The following FZD3 variants were observed in gnomAD, a reference collection of about 807,000 sequenced individuals.
FZD3 encodes the protein frizzled-3.
Under a neutral mutation model 60.7 loss-of-function variants are expected in FZD3, and 30 were observed. The ratio of observed to expected loss-of-function variants is 0.49; its 90% CI spans 0.37 to 0.67. The LOEUF is 0.67. Ranked by LOEUF, FZD3 falls within the 30% of genes least tolerant of loss-of-function variation. FZD3 has a pLI of 0.00. For missense variants in FZD3, 605 were observed against 838.7 expected, an observed-to-expected ratio of 0.72 and a Z score of 3.44; for synonymous variants, 246 against 275.2, an observed-to-expected ratio of 0.89 and a Z score of 1.05.
At position 28,571,928 on chromosome 8, in the gene FZD3, G is replaced by A. The variant is rs1290296330; in HGVS notation, c.*8917G>A. 6.6e-6 allele frequency: 1 copy of A among 152,054 alleles called. No homozygotes were observed. Among genetic ancestry groups the A allele is most frequent in the African/African-American group, 2.4e-5 (1 of 41,406 alleles). The allele number at this position is 152,054 out of a possible 1,614,324, so 9.4% of individuals were successfully genotyped here. The stretch of plus-strand genomic sequence containing the variant: ...AAAATACTTTTTTGTATTTTAATCT[G>A]ATAGTGAATTTGGGGATTATTTATG... On this transcript the variant is annotated 3_prime_UTR_variant, in exon 8 of 8. Transcript: ENST00000240093.
chr8:28,507,786 A>G (rs920474121), intron 3 of FZD3, among the ~76,000 whole-genome samples: 1 of 113,324 alleles, frequency 8.8e-6, no homozygotes, highest in Non-Finnish European at 1.9e-5. Flanking sequence ...TGTGAACTCA[A>G]GGATTTTTTT....
rs547732228 is a variant in FZD3 at position 28,562,495 on chromosome 8, T to C, written c.1788-303T>C. Among the ~76,000 whole-genome samples the C allele has an allele frequency of 3.3e-5, 5 of 152,278 alleles. No homozygotes were observed. In the East Asian group the frequency reaches 7.7e-4, roughly 24 times the overall value. ...CTGAACCCACCCATTCAAAACTCCT[T>C]TGAATGAGAAAGGTATCCATATCGA... On this transcript the variant is annotated intron_variant, in intron 7 of 7. Transcript: ENST00000240093.
chr8:28,548,688 C>G (rs1413876115), intron 5 of FZD3, among the ~76,000 whole-genome samples: 1 of 152,146 alleles, frequency 6.6e-6, no homozygotes, highest in African/African-American at 2.4e-5. Context: ...TCTTCTCTTT[C>G]AGGACTTTCC....
intron 3 of FZD3, among the ~76,000 whole-genome samples, chr8:28,510,260 G>A (rs939295330): frequency 6.6e-6 from 1 of 152,114 alleles, no homozygotes; most frequent in Non-Finnish European, 1.5e-5. Flanking sequence ...GGAAACAACT[G>A]TGTTTCTGGT....
At chr8:28,497,610 T>C (rs1803877825) in intron 1 of FZD3, among the ~76,000 whole-genome samples, 1 of 152,226 alleles carries the variant, frequency 6.6e-6, no homozygotes, top group South Asian at 2.1e-4. Context: ...ATGATCTTTC[T>C]CAATTGGAAA....
chr8:28,498,238 C>G lies in FZD3; in HGVS notation c.-390-1695C>G, dbSNP rs552561125. On this transcript the variant is annotated intron_variant, in intron 1 of 7. Transcript: ENST00000240093. ...CATTCACTTTTTGCAGGGCCCTGGC[C>G]CCTGAAGCTGCTCACTCCGATTATG... Among the ~76,000 whole-genome samples, 4 of 152,262 alleles carry G rather than the reference C, an allele frequency of 2.6e-5. No homozygotes were observed. The East Asian group carries it at 7.7e-4, about 29-fold the overall frequency.
chr8:28,507,361 G>A (rs1186798951), intron 3 of FZD3, among the ~76,000 whole-genome samples: 1 of 151,696 alleles, frequency 6.6e-6, no homozygotes, highest in Non-Finnish European at 1.5e-5. Flanking sequence ...ATTTATTTTT[G>A]TAAACAGGCA....
chr8:28,554,054 T>C (rs555876556), intron 6 of FZD3, among the ~76,000 whole-genome samples: 1 of 152,392 alleles, frequency 6.6e-6, no homozygotes, highest in East Asian at 1.9e-4. Flanking sequence ...TACACTGTGC[T>C]GTAGACTGGT....
chr8:28,505,103 G>C (rs1261040924), intron 3 of FZD3: 2 of 154,760 alleles, frequency 1.3e-5, no homozygotes, highest in Admixed American at 6.5e-5. Flanking sequence ...AGAGTGTAAC[G>C]TTTCTTTAAT....
intron 5 of FZD3, among the ~76,000 whole-genome samples, chr8:28,539,133 CCA>C: frequency 6.6e-6 from 1 of 152,146 alleles, no homozygotes; most frequent in African/African-American, 2.4e-5. Flanking sequence ...CAGTATAGGT[CCA>C]CACAGCAGGA....
At chr8:28,551,533 G>A in intron 5 of FZD3, 70 bp from the exon 6 acceptor site, 1 of 1,179,846 alleles carries the variant, frequency 8.5e-7, no homozygotes, top group African/African-American at 1.6e-5. Context: ...AAAAGAAAAA[G>A]ATTTCATAAT....
At chr8:28,547,859 T>C (rs1240615469) in intron 5 of FZD3, among the ~76,000 whole-genome samples, 1 of 151,320 alleles carries the variant, frequency 6.6e-6, no homozygotes, top group East Asian at 1.9e-4. Context: ...GTTGTCTCTT[T>C]TTTTTTTTTT....
Position 28,568,307 on chromosome 8 carries a change from T to A in FZD3, c.*5296T>A, listed in dbSNP as rs962399247. ...ATTATTCTTATATAATTTTGACCTA[T>A]TTTATATGAAAATAATTGTATTGGC... On this transcript the variant is annotated 3_prime_UTR_variant, in exon 8 of 8. Transcript: ENST00000240093. 2 of 152,160 alleles carry A rather than the reference T, an allele frequency of 1.3e-5. No individual in the cohort carries two copies. The highest frequency in any genetic ancestry group is 4.8e-5 in the African/African-American group (2 of 41,444). The allele number at this position is 152,160 out of a possible 1,614,324, so 9.4% of individuals were successfully genotyped here.
At chr8:28,529,161 T>C (rs529653592) in intron 5 of FZD3, among the ~76,000 whole-genome samples, 3 of 152,202 alleles carry the variant, frequency 2.0e-5, no homozygotes, top group African/African-American at 7.2e-5. Context: ...TCAAGTGATC[T>C]TCCCTCCTGG....
intron 7 of FZD3, among the ~76,000 whole-genome samples, chr8:28,558,287 A>G (rs1234249098): frequency 2.6e-5 from 4 of 152,186 alleles, no homozygotes. Context: ...TTCTACAGTA[A>G]TTTAGGGGTC....
chr8:28,533,616 G>GT (rs1328287522), intron 5 of FZD3, among the ~76,000 whole-genome samples: 1 of 149,104 alleles, frequency 6.7e-6, no homozygotes, highest in Non-Finnish European at 1.5e-5. Flanking sequence ...GTTTTGTTTT[G>GT]TTTGAGAACC....
rs866876278 is a variant in FZD3 at position 28,570,604 on chromosome 8, A to G, written c.*7593A>G. Reference sequence around the variant, plus strand: ...CGCACCGCTGCACTCCAGCCTGGGCAACGGAGCGAGACTCTATCTCAAAAA... The same window carrying G: ...CGCACCGCTGCACTCCAGCCTGGGCGACGGAGCGAGACTCTATCTCAAAAA... On this transcript the variant is annotated 3_prime_UTR_variant, in exon 8 of 8. Coordinates refer to ENST00000240093, the MANE Select transcript of FZD3 (RefSeq NM_017412.4). 14 of 151,842 alleles carry G rather than the reference A, an allele frequency of 9.2e-5. No individual in the cohort carries two copies. Among genetic ancestry groups the G allele is most frequent in the Middle Eastern group, 6.7e-3 (2 of 298 alleles). The allele number at this position is 151,842 out of a possible 1,614,324, so 9.4% of individuals were successfully genotyped here.
At chr8:28,550,887 T>C (rs1805396441) in intron 5 of FZD3, among the ~76,000 whole-genome samples, 1 of 152,206 alleles carries the variant, frequency 6.6e-6, no homozygotes, top group Non-Finnish European at 1.5e-5. Flanking sequence ...GATTTAAGGC[T>C]TTTTGTTCTA....
intron 2 of FZD3, among the ~76,000 whole-genome samples, chr8:28,501,424 A>T (rs958851669): frequency 6.6e-6 from 1 of 152,164 alleles, no homozygotes; most frequent in Non-Finnish European, 1.5e-5. Context: ...AGGTCCCACA[A>T]TCTAAGTTAT....
Sources: allele counts gnomAD v4.1 joint callset (sites outside exome capture counted in the v4.1 genomes callset), GRCh38; gene constraint gnomAD v4.1.1; transcripts MANE v1.5; gene names NCBI Gene and HGNC (gene_info 2026-07-23, HGNC 2026-07-21).